The following AVL9 variants were observed in gnomAD, a reference collection of about 807,000 sequenced individuals.
The protein encoded by AVL9 is AVL9 cell migration associated.
Under a neutral mutation model 79.2 loss-of-function variants are expected in AVL9, and 49 were observed. That is an observed-to-expected ratio of 0.62 (90% CI 0.49 to 0.79). AVL9 has a LOEUF of 0.79. Among genes scored for constraint, AVL9 ranks in the 30% least tolerant of loss-of-function variants. The probability of loss-of-function intolerance (pLI) is 0.00; values close to 1 mark genes in which losing one functional copy is unlikely to be tolerated. For synonymous variants in AVL9, 299 were observed against 280.6 expected (o/e 1.07, Z -0.65); for missense variants, 682 against 776.8 (o/e 0.88, Z 1.45).
chr7:32,552,181 G>A (rs369066757), intron 5 of AVL9, 48 bp from the exon 6 acceptor site: 21 of 1,157,244 alleles, frequency 1.8e-5, no homozygotes, highest in Non-Finnish European at 2.7e-5. Flanking sequence ...TTCTAATTCA[G>A]ATCTAAAATG....
chr7:32,557,796 G>A (rs771199049), intron 8 of AVL9, among the ~76,000 whole-genome samples: 7 of 151,936 alleles, frequency 4.6e-5, no homozygotes, highest in South Asian at 4.2e-4. Flanking sequence ...CCTAAATCAC[G>A]GTGGATGCTA....
chr7:32,521,630 C>T (rs968624465), intron 1 of AVL9, among the ~76,000 whole-genome samples: 2 of 152,154 alleles, frequency 1.3e-5, no homozygotes, highest in Non-Finnish European at 2.9e-5. Flanking sequence ...AAATTTGCAG[C>T]ATTACTATGC....
At chr7:32,571,501 T>C (rs1047400564) in intron 11 of AVL9, among the ~76,000 whole-genome samples, 2 of 151,866 alleles carry the variant, frequency 1.3e-5, no homozygotes, top group African/African-American at 4.8e-5. Flanking sequence ...GCACTCCAGC[T>C]TGGGCGATAG....
chr7:32,529,779 G>A (rs568873612), intron 1 of AVL9, among the ~76,000 whole-genome samples: 3 of 152,320 alleles, frequency 2.0e-5, no homozygotes, highest in East Asian at 3.9e-4. Flanking sequence ...TTTTACATAT[G>A]TGTATGTAAC....
At position 32,498,235 on chromosome 7, in the gene AVL9, A is replaced by G. The variant is rs1457009290; in HGVS notation, c.93+2433A>G. Among the ~76,000 whole-genome samples the G allele has an allele frequency of 4.3e-4, 54 of 125,992 alleles. 1 individual carries two copies. In the Admixed American group the frequency reaches 5.4e-3, roughly 13 times the overall value. 82.7% of individuals were successfully genotyped at this position (125,992 alleles called of 152,430 possible). A position where few individuals can be genotyped will look rare whatever the true frequency, so the allele number is the denominator to read the frequency against. Reference sequence around the variant, plus strand: ...CACTTTTTCCACCTTTGAAGTCCTCAGATTTTTTTTTTTTTTTTTTTTTTT... The same window carrying G: ...CACTTTTTCCACCTTTGAAGTCCTCGGATTTTTTTTTTTTTTTTTTTTTTT... On this transcript the variant is annotated intron_variant, in intron 1 of 15. Transcript: ENST00000318709.
At chr7:32,520,688 C>A (rs1184251911) in intron 1 of AVL9, among the ~76,000 whole-genome samples, 1 of 152,134 alleles carries the variant, frequency 6.6e-6, no homozygotes, top group Non-Finnish European at 1.5e-5. Context: ...CAGGTCATGG[C>A]AAATTTTGGG....
rs944705984 is a variant in AVL9, at chr7:32,588,533, A to G, written c.*4626A>G. 3 of 152,212 alleles carry G rather than the reference A, an allele frequency of 2.0e-5. No individual in the cohort carries two copies. Among genetic ancestry groups the G allele is most frequent in the Non-Finnish European group, 2.9e-5 (2 of 68,028 alleles). The allele number at this position is 152,212 out of a possible 1,614,324, so 9.4% of individuals were successfully genotyped here. A position where few individuals can be genotyped will look rare whatever the true frequency, so the allele number is the denominator to read the frequency against. On this transcript the variant is annotated 3_prime_UTR_variant, in exon 16 of 16. Transcript: ENST00000318709. ...AAGTTTAACTGTGGCACATGTTTTG[A>G]TCAGAAAGGTAGTTCTCTTTGCTCT... is the stretch of plus-strand genomic sequence containing the variant.
chr7:32,545,162 A>G (rs1211891435), intron 3 of AVL9, among the ~76,000 whole-genome samples: 2 of 151,820 alleles, frequency 1.3e-5, no homozygotes, highest in Non-Finnish European at 2.9e-5. Context: ...TTTTAAAGAC[A>G]GGGCCTTGCT....
intron 1 of AVL9, among the ~76,000 whole-genome samples, chr7:32,516,886 G>T (rs1787925850): frequency 1.3e-5 from 2 of 151,934 alleles, no homozygotes; most frequent in African/African-American, 4.8e-5. Flanking sequence ...TGTGTAAAAT[G>T]GTCTTTATGG....
At chr7:32,510,233 G>A (rs527541506) in intron 1 of AVL9, among the ~76,000 whole-genome samples, 102 of 149,254 alleles carry the variant, frequency 6.8e-4, no homozygotes, top group African/African-American at 2.4e-3. Flanking sequence ...GGCTGTGGGA[G>A]TCCACAGTCC....
chr7:32,565,570 A>AG (rs907350711), intron 10 of AVL9, among the ~76,000 whole-genome samples: 1 of 150,944 alleles, frequency 6.6e-6, no homozygotes, highest in Non-Finnish European at 1.5e-5. Context: ...AAAAAAAAAA[A>AG]AAGAAAGAAA....
Position 32,545,364 on chromosome 7 carries a change from C to CTTTTTTTTTTTT in AVL9, c.300+599_300+610dup, listed in dbSNP as rs10610945. On this transcript the variant is annotated intron_variant, in intron 3 of 15. Transcript: ENST00000318709. Reference sequence around the variant, plus strand: ...GCTGTCCTATTTATCTCTAAGATTTCTTTTTTTTTTTTTTTTTTTTTTTTT... The same window carrying CTTTTTTTTTTTT: ...GCTGTCCTATTTATCTCTAAGATTTCTTTTTTTTTTTTTTTTTTTTTTTTTTTTTTTTTTTTT... 2.0e-4 allele frequency among the ~76,000 whole-genome samples: 15 copies of CTTTTTTTTTTTT among 73,348 alleles called. 2 individuals carry two copies. The highest frequency in any genetic ancestry group is 5.5e-4 in the South Asian group (1 of 1,822). 48.1% of individuals were successfully genotyped at this position (73,348 alleles called of 152,430 possible).
intron 15 of AVL9, chr7:32,581,515 A>T (rs773960410): frequency 6.6e-6 from 1 of 152,274 alleles, no homozygotes; most frequent in Non-Finnish European, 1.5e-5. Context: ...GCAAAAAGAA[A>T]ATATGAATAG....
chr7:32,509,853 G>GA (rs1554333791), intron 1 of AVL9, among the ~76,000 whole-genome samples: 1 of 151,696 alleles, frequency 6.6e-6, no homozygotes, highest in Non-Finnish European at 1.5e-5. Context: ...GTCTCAAAAA[G>GA]AAAAAAAGAC....
chr7:32,554,532 T>C, intron 7 of AVL9, 26 bp from the exon 8 acceptor site: 1 of 1,468,970 alleles, frequency 6.8e-7, no homozygotes, highest in Middle Eastern at 1.8e-4. Flanking sequence ...CTCATTTCAA[T>C]ACAACATTTT....
chr7:32,503,962 C>T (rs542314765), intron 1 of AVL9, among the ~76,000 whole-genome samples: 2 of 152,288 alleles, frequency 1.3e-5, no homozygotes, highest in East Asian at 3.9e-4. Context: ...GGATTACAGG[C>T]GTAAGCCACC....
intron 10 of AVL9, among the ~76,000 whole-genome samples, chr7:32,565,500 G>A (rs1038006540): frequency 1.3e-5 from 2 of 148,490 alleles, no homozygotes; most frequent in African/African-American, 2.5e-5. Context: ...CAGAGGTTGC[G>A]ATGAGTGGAG....
intron 11 of AVL9, among the ~76,000 whole-genome samples, chr7:32,570,544 C>G (rs371866462): frequency 6.2e-4 from 94 of 152,120 alleles, no homozygotes; most frequent in African/African-American, 2.1e-3. Flanking sequence ...GATACCAAGA[C>G]GAAAGCTAGG....
At chr7:32,567,247 G>A (rs1476392776) in intron 10 of AVL9, among the ~76,000 whole-genome samples, 4 of 152,012 alleles carry the variant, frequency 2.6e-5, no homozygotes, top group African/African-American at 9.7e-5. Flanking sequence ...GACCACAGAT[G>A]CAGGCCACCA....
Sources: gnomAD v4.1 joint callset for allele counts (sites outside exome capture counted in the v4.1 genomes callset) on GRCh38, gnomAD v4.1.1 for gene constraint, MANE v1.5 for transcripts, NCBI Gene and HGNC (gene_info 2026-07-23, HGNC 2026-07-21) for gene names.